IFT70A: variants seen among roughly 807,000 people sequenced by gnomAD.
IFT70A encodes the protein intraflagellar transport 70A.
At chr2:177,617,137 C>T in the IFT70A span, 8 of 1,608,254 alleles carry the variant, frequency 5.0e-6, no homozygotes, top group African/African-American at 1.1e-4. Flanking sequence ...TTCAATCTTC[C>T]TCATCAACTC....
chr2:177,618,705 C>T, the IFT70A span: 19 of 1,561,382 alleles, frequency 1.2e-5, no homozygotes, highest in Admixed American at 1.7e-4. Flanking sequence ...CAGCCATAAC[C>T]ACCACGGCTG....
At chr2:177,616,919 C>T in the IFT70A span, 5 of 1,597,244 alleles carry the variant, frequency 3.1e-6, no homozygotes, top group Non-Finnish European at 4.3e-6. Context: ...GACATGTTTT[C>T]TAACAAGGAC....
chr2:177,617,923 A>G, the IFT70A span: 46 of 1,614,024 alleles, frequency 2.9e-5, no homozygotes, highest in Non-Finnish European at 3.6e-5. Flanking sequence ...TTGGTATTCT[A>G]TGGCTGCCTT....
chr2:177,618,266 C>G, the IFT70A span: 544 of 1,614,256 alleles, frequency 3.4e-4, 11 homozygotes, highest in East Asian at 0.012. Flanking sequence ...CCACTTTCTT[C>G]TCCCCCTTCC....
chr2:177,618,671 C>A, the IFT70A span: 7 of 1,595,410 alleles, frequency 4.4e-6, no homozygotes, highest in Non-Finnish European at 6.0e-6. Context: ...AACTCCCCGT[C>A]GGGGATCTGC....
the IFT70A span, chr2:177,615,829 C>G: frequency 2.6e-5 from 4 of 152,050 alleles, no homozygotes; most frequent in Non-Finnish European, 5.9e-5. Flanking sequence ...AGGTATGGAA[C>G]TCATACTTTT....
At chr2:177,614,815 C>G in the IFT70A span, 1 of 152,100 alleles carries the variant, frequency 6.6e-6, no homozygotes, top group Admixed American at 6.5e-5. Flanking sequence ...CAGTAAACAC[C>G]ACTATCTCTC....
chr2:177,613,175 A>C, the IFT70A span: 2 of 152,222 alleles, frequency 1.3e-5, no homozygotes, highest in African/African-American at 4.8e-5. Context: ...CATTTTGTGA[A>C]AACAGTTTAA....
At chr2:177,616,543 CT>C in the IFT70A span, 1 of 606,718 alleles carries the variant, frequency 1.6e-6, no homozygotes, top group Non-Finnish European at 2.6e-6. Flanking sequence ...AGTCCCTACC[CT>C]TCTGGATTAA....
At chr2:177,618,181 C>T in the IFT70A span, 3 of 1,614,246 alleles carry the variant, frequency 1.9e-6, no homozygotes, top group Non-Finnish European at 2.5e-6. Context: ...AAACTTGGAG[C>T]ATGCAGCTTC....
At chr2:177,617,988 A>C in the IFT70A span, 3 of 1,614,044 alleles carry the variant, frequency 1.9e-6, no homozygotes, top group Non-Finnish European at 2.5e-6. Context: ...TGTTGCCAAC[A>C]CTGCGAACAT....
At chr2:177,618,714 T>G in the IFT70A span, 2 of 1,534,980 alleles carry the variant, frequency 1.3e-6, no homozygotes, top group African/African-American at 2.7e-5. Flanking sequence ...CCACCACGGC[T>G]GTTATGCGTG....
chr2:177,618,167 C>T, the IFT70A span: 1 of 1,614,242 alleles, frequency 6.2e-7, no homozygotes, highest in Non-Finnish European at 8.5e-7. Context: ...TGCAGTGTGG[C>T]AGAAAACTTG....
the IFT70A span, chr2:177,617,899 T>C: frequency 3.1e-6 from 5 of 1,614,216 alleles, no homozygotes; most frequent in Non-Finnish European, 4.2e-6. Context: ...TTGAGCTACC[T>C]CATAGTTTCT....
the IFT70A span, chr2:177,616,774 T>C: frequency 1.3e-6 from 2 of 1,584,420 alleles, no homozygotes; most frequent in South Asian, 1.2e-5. Context: ...GACTGTATTC[T>C]TCCCAACATG....
At chr2:177,613,401 T>C in the IFT70A span, 1 of 152,230 alleles carries the variant, frequency 6.6e-6, no homozygotes, top group Non-Finnish European at 1.5e-5. Flanking sequence ...AATGTTAGGG[T>C]GTGACCATCT....
chr2:177,618,036 A>G, the IFT70A span: 85 of 1,614,098 alleles, frequency 5.3e-5, no homozygotes, highest in East Asian at 1.6e-4. Context: ...CTAGCTCAGG[A>G]TGCTGGCGGA....
chr2:177,618,710 C>G, the IFT70A span: 3 of 1,552,284 alleles, frequency 1.9e-6, no homozygotes, highest in Non-Finnish European at 2.6e-6. Context: ...ATAACCACCA[C>G]GGCTGTTATG....
the IFT70A span, chr2:177,618,697 G>A: frequency 1.3e-6 from 2 of 1,569,072 alleles, no homozygotes; most frequent in East Asian, 2.3e-5. Flanking sequence ...GCTCAGACCA[G>A]CCATAACCAC....
Sources: gnomAD v4.1 joint callset for allele counts on GRCh38, gnomAD v4.1.1 for gene constraint, MANE v1.5 for transcripts, NCBI Gene and HGNC (gene_info 2026-07-23, HGNC 2026-07-21) for gene names.